The following GTF2B variants were observed in gnomAD, a reference collection of about 807,000 sequenced individuals.
GTF2B encodes the protein transcription initiation factor IIB.
Under a neutral mutation model 34.6 loss-of-function variants are expected in GTF2B, and 20 were observed. The observed-to-expected ratio is 0.58, with a 90% CI of 0.41 to 0.84. The LOEUF is 0.84. Ranked by LOEUF, GTF2B falls within the 40% of genes least tolerant of loss-of-function variation. The pLI is 0.00. For missense variants in GTF2B, 237 were observed against 393.3 expected (o/e 0.60, Z 3.36); for synonymous variants, 142 against 132.4 (o/e 1.07, Z -0.50).
chr1:88,882,236 G>A (rs574415531), intron 2 of GTF2B, among the ~76,000 whole-genome samples: 60 of 149,232 alleles, frequency 4.0e-4, no homozygotes, highest in African/African-American at 1.3e-3. Context: ...CTTGAACCCC[G>A]GAGGCAGAGG....
chr1:88,868,561 A>C (rs1673611357), intron 2 of GTF2B, among the ~76,000 whole-genome samples: 1 of 152,198 alleles, frequency 6.6e-6, no homozygotes, highest in African/African-American at 2.4e-5. Flanking sequence ...GTATTAACTG[A>C]AACATCTTAC....
intron 2 of GTF2B, among the ~76,000 whole-genome samples, chr1:88,873,771 C>T (rs535453894): frequency 4.9e-4 from 75 of 152,270 alleles, no homozygotes; most frequent in East Asian, 4.4e-3. Flanking sequence ...TACATCTTTT[C>T]TTATGACATA....
chr1:88,889,169 A>G (rs1445917692), intron 1 of GTF2B, among the ~76,000 whole-genome samples: 2 of 152,256 alleles, frequency 1.3e-5, no homozygotes, highest in African/African-American at 4.8e-5. Context: ...TGGCTGATCC[A>G]GGGAGACTTA....
At chr1:88,887,412 T>TATCAA (rs756408373) in intron 1 of GTF2B, 45 bp from the exon 2 acceptor site, 2 of 1,129,546 alleles carry the variant, frequency 1.8e-6, no homozygotes, top group Admixed American at 3.4e-5. Flanking sequence ...AACCAACATG[T>TATCAA]ATCAAATTAA....
intron 6 of GTF2B, 117 bp downstream of exon 6, chr1:88,857,089 C>A: frequency 1.1e-6 from 1 of 915,072 alleles, no homozygotes; most frequent in Non-Finnish European, 1.7e-6. Flanking sequence ...GTGTGAGCCC[C>A]CGCGCCTGGT....
intron 3 of GTF2B, among the ~76,000 whole-genome samples, chr1:88,863,210 T>C (rs942784495): frequency 2.0e-5 from 3 of 152,100 alleles, no homozygotes; most frequent in Non-Finnish European, 2.9e-5. Context: ...CCTCAAAAAC[T>C]CTATAAGTAC....
chr1:88,880,070 AAAAAAG>A (rs942055372), intron 2 of GTF2B, among the ~76,000 whole-genome samples: 3 of 152,156 alleles, frequency 2.0e-5, no homozygotes, highest in Non-Finnish European at 4.4e-5. Context: ...TCAAAAAAAT[AAAAAAG>A]AAAAAGAAAA....
At chr1:88,886,735 C>A (rs904304110) in intron 2 of GTF2B, among the ~76,000 whole-genome samples, 1 of 152,084 alleles carries the variant, frequency 6.6e-6, no homozygotes, top group Non-Finnish European at 1.5e-5. Context: ...TTAGCTCCCA[C>A]CCCACATTAT....
chr1:88,858,902 CT>C (rs1673376857), intron 5 of GTF2B: 1 of 148,976 alleles, frequency 6.7e-6, no homozygotes, highest in Non-Finnish European at 1.5e-5. Flanking sequence ...AAGTCTCACT[CT>C]GTCGCCCAGG....
At chr1:88,884,291 G>A (rs1007687748) in intron 2 of GTF2B, among the ~76,000 whole-genome samples, 11 of 152,188 alleles carry the variant, frequency 7.2e-5, no homozygotes, top group African/African-American at 2.7e-4. Flanking sequence ...CTCCGAAAGT[G>A]CTGGGATTAC....
chr1:88,860,382 A>G (rs962239076), intron 3 of GTF2B, 96 bp from the exon 4 acceptor site: 2 of 824,526 alleles, frequency 2.4e-6, no homozygotes, highest in African/African-American at 3.4e-5. Flanking sequence ...CTGATTCTAC[A>G]TAGACCAGAA....
At chr1:88,885,355 A>T (rs1674041339) in intron 2 of GTF2B, among the ~76,000 whole-genome samples, 1 of 152,074 alleles carries the variant, frequency 6.6e-6, no homozygotes, top group Non-Finnish European at 1.5e-5. Flanking sequence ...CAGGAGAATC[A>T]CTTGAAACTG....
chr1:88,889,870 A>G (rs1233657087), intron 1 of GTF2B, among the ~76,000 whole-genome samples: 2 of 152,126 alleles, frequency 1.3e-5, no homozygotes, highest in East Asian at 3.9e-4. Context: ...ATAAAAATTA[A>G]TAAAATTTAA....
At chr1:88,856,272 C>CAAAAAAAAAAAAAAA (rs377030804) in intron 6 of GTF2B, among the ~76,000 whole-genome samples, 14 of 50,038 alleles carry the variant, frequency 2.8e-4, no homozygotes, top group Non-Finnish European at 4.4e-4. Flanking sequence ...GTTTCAAAAA[C>CAAAAAAAAAAAAAAA]AAAAAAAAAA....
rs1010627350 is a variant in GTF2B at position 88,860,351 on chromosome 1, T to A, written c.259-65A>T. 124 of 1,130,282 alleles carry A rather than the reference T, an allele frequency of 1.1e-4. 1 individual carries two copies. The highest frequency in any genetic ancestry group is 1.6e-4 in the Non-Finnish European group (120 of 758,198). The allele number at this position is 1,130,282 out of a possible 1,614,324, so 70.0% of individuals were successfully genotyped here. On this transcript the variant is annotated intron_variant, in intron 3 of 6. Coordinates refer to ENST00000370500, the MANE Select transcript of GTF2B (RefSeq NM_001514.6). The stretch of plus-strand genomic sequence containing the variant: ...AAGCATGAAAAATGGACAATTTCTA[T>A]GAAAATATAGCTTACAAGATCTGAT...
In GTF2B at chr1:88,891,518, G is replaced by C. The variant is rs746567521; in HGVS notation, c.-19C>G. ...ACGCCATCTTCACGGCGACTGCGGT[G>C]CCCGCAACAAGACACAACAGACACA... On this transcript the variant is annotated 5_prime_UTR_variant, in exon 1 of 7. Transcript: ENST00000370500. 1.1e-5 allele frequency: 18 copies of C among 1,600,388 alleles called. No homozygotes were observed. The highest frequency in any genetic ancestry group is 1.5e-5 in the Non-Finnish European group (18 of 1,172,552).
rs558857015 is a variant in GTF2B at position 88,882,177 on chromosome 1, G to A, written c.124+5084C>T. Among the ~76,000 whole-genome samples, 6 of 152,010 alleles carry A rather than the reference G, an allele frequency of 3.9e-5. No individual in the cohort carries two copies. The East Asian group carries it at 1.2e-3, about 29-fold the overall frequency. ...ATACAAAAATTAGGTGGGTGTGGTG[G>A]TGCATGCCTGTAATCCCAGGTACTC... On this transcript the variant is annotated intron_variant, in intron 2 of 6. Transcript: ENST00000370500.
chr1:88,856,272 C>CAACA (rs1673302905), intron 6 of GTF2B, among the ~76,000 whole-genome samples: 1 of 50,042 alleles, frequency 2.0e-5, no homozygotes, highest in African/African-American at 8.9e-5. Flanking sequence ...GTTTCAAAAA[C>CAACA]AAAAAAAAAA....
intron 2 of GTF2B, among the ~76,000 whole-genome samples, chr1:88,866,243 T>C (rs1673557520): frequency 6.6e-6 from 1 of 151,986 alleles, no homozygotes; most frequent in South Asian, 2.1e-4. Context: ...GGCATGTGCC[T>C]GTAGGGAGGC....
Sources: allele counts gnomAD v4.1 joint callset (sites outside exome capture counted in the v4.1 genomes callset), GRCh38; gene constraint gnomAD v4.1.1; transcripts MANE v1.5; gene names NCBI Gene and HGNC (gene_info 2026-07-23, HGNC 2026-07-21).